GALNT7: variants seen among roughly 807,000 people sequenced by gnomAD.
The protein encoded by GALNT7 is N-acetylgalactosaminyltransferase 7.
A neutral mutation model predicts 82.1 loss-of-function variants in GALNT7; 60 were observed. The observed-to-expected ratio is 0.73, with a 90% CI of 0.59 to 0.91. The LOEUF (loss-of-function observed/expected upper bound fraction) is 0.91, where lower values mean the gene tolerates loss of function less well. Among genes scored for constraint, GALNT7 ranks in the 40% least tolerant of loss-of-function variants. The pLI is 0.00. For missense variants in GALNT7, 660 were observed against 804.2 expected (o/e 0.82, Z 2.17); for synonymous variants, 243 against 275.1 (o/e 0.88, Z 1.15).
Position 173,295,752 on chromosome 4 carries a change from CTT to C in GALNT7, c.886-5_886-4del. 1.9e-6 allele frequency: 3 copies of C among 1,566,342 alleles called. No individual in the cohort carries two copies. The highest frequency in any genetic ancestry group is 2.6e-6 in the Non-Finnish European group (3 of 1,137,168). On this transcript the variant is annotated splice_polypyrimidine_tract_variant and intron_variant, in intron 4 of 11. Transcript: ENST00000265000. ...ATGAGGAGTATTCTTTCACCTGCCT[CTT>C]TTTTTTAAGGTTTTGATATACCTTG... is the stretch of plus-strand genomic sequence containing the variant.
intron 2 of GALNT7, among the ~76,000 whole-genome samples, chr4:173,291,599 C>T (rs970208431): frequency 6.6e-6 from 1 of 152,194 alleles, no homozygotes; most frequent in African/African-American, 2.4e-5. Context: ...GTTCATTCCA[C>T]AGTAAATTTC....
chr4:173,214,136 T>A (rs565316968), intron 1 of GALNT7, among the ~76,000 whole-genome samples: 2 of 152,036 alleles, frequency 1.3e-5, no homozygotes, highest in Non-Finnish European at 2.9e-5. Context: ...CACAACCCAG[T>A]GTTGTTATTA....
intron 8 of GALNT7, among the ~76,000 whole-genome samples, chr4:173,305,095 G>T (rs987166454): frequency 6.6e-6 from 1 of 152,064 alleles, no homozygotes; most frequent in Non-Finnish European, 1.5e-5. Flanking sequence ...AGGAACCTCT[G>T]TACTGTTTTC....
At chr4:173,264,728 T>A (rs1024771278) in intron 2 of GALNT7, among the ~76,000 whole-genome samples, 4 of 152,198 alleles carry the variant, frequency 2.6e-5, no homozygotes, top group Admixed American at 2.6e-4. Flanking sequence ...TGTTTCTACA[T>A]TCTCCCCTGG....
rs186519260 is a variant in GALNT7, at chr4:173,304,960, C to T, written c.1389+842C>T. On this transcript the variant is annotated intron_variant, in intron 8 of 11. Transcript: ENST00000265000. ...TAGCTTGATTCCATATCTTGACTAT[C>T]GTGAATACTGCTGCAATGAACAGGA... Among the ~76,000 whole-genome samples the T allele has an allele frequency of 7.5e-4, 114 of 152,046 alleles. 1 individual carries two copies. Among genetic ancestry groups the T allele is most frequent in the African/African-American group, 2.5e-3 (105 of 41,390 alleles).
intron 5 of GALNT7, 136 bp downstream of exon 5, chr4:173,295,979 G>A: frequency 1.5e-6 from 1 of 651,582 alleles, no homozygotes. Flanking sequence ...TCATCTATTT[G>A]TTTCCTTGGG....
At position 173,185,267 on chromosome 4, in the gene GALNT7, A is replaced by C. The variant is rs1434306795; in HGVS notation, c.126+16306A>C. 2.0e-5 allele frequency among the ~76,000 whole-genome samples: 3 copies of C among 152,160 alleles called. No individual in the cohort carries two copies. The East Asian group carries it at 5.8e-4, about 29-fold the overall frequency. On this transcript the variant is annotated intron_variant, in intron 1 of 11. Transcript: ENST00000265000. ...GACTCAGGTTCACTGAATTCTCTTC[A>C]CCACTCCGTGAAAGTGTGTAGCAGC...
intron 1 of GALNT7, among the ~76,000 whole-genome samples, chr4:173,235,416 C>T (rs1289739121): frequency 6.6e-6 from 1 of 152,220 alleles, no homozygotes; most frequent in Non-Finnish European, 1.5e-5. Context: ...TGGCATAGGC[C>T]TTCCTTCTAC....
At position 173,298,151 on chromosome 4, in the gene GALNT7, T is replaced by C. The variant is rs750273938; in HGVS notation, c.1002T>C (p.Asn334=). The change falls in exon 6 of 12, where the codon AAT becomes AAC. Residue 334 remains asparagine (N), a synonymous_variant. Transcript: ENST00000265000. ...CTGTGCCGCTTATAGATGTCATAAA[T>C]GGCAACACATATGAAATTATACCCC... ...ICTVPLIDVI[N]GNTYEIIPQG... is the part of the protein sequence containing the mutation. 7.4e-6 allele frequency: 12 copies of C among 1,613,988 alleles called. No homozygotes were observed. The highest frequency in any genetic ancestry group is 1.3e-5 in the African/African-American group (1 of 74,916).
At chr4:173,276,712 A>G (rs1162097867) in intron 2 of GALNT7, among the ~76,000 whole-genome samples, 1 of 152,170 alleles carries the variant, frequency 6.6e-6, no homozygotes, top group Non-Finnish European at 1.5e-5. Context: ...TCAAAACTGT[A>G]AGGCATCAGC....
In GALNT7 at chr4:173,314,065, A is replaced by C; in HGVS notation, c.1497A>C (p.Lys499Asn). 6.2e-7 allele frequency: 1 copy of C among 1,613,278 alleles called. No homozygotes were observed. The highest frequency in any genetic ancestry group is 1.1e-5 in the South Asian group (1 of 91,066). Residue 499 changes from lysine (K) to asparagine (N), a missense_variant, in exon 9 of 12, where the codon AAA (lysine) becomes AAC (asparagine). Coordinates refer to ENST00000265000, the MANE Select transcript of GALNT7 (RefSeq NM_017423.3). ...CATATGGGGATATATCGGAGCTGAA[A>C]AAATTTCGAGAAGATCACAACTGCA... ...ALPYGDISELKKFREDHNCKS... is the reference protein window; with the variant it reads ...ALPYGDISELNKFREDHNCKS...
At chr4:173,281,638 A>G (rs535440858) in intron 2 of GALNT7, among the ~76,000 whole-genome samples, 2 of 152,092 alleles carry the variant, frequency 1.3e-5, no homozygotes, top group Non-Finnish European at 2.9e-5. Flanking sequence ...GCCCAAGTAC[A>G]CTTCAGCATG....
intron 1 of GALNT7, among the ~76,000 whole-genome samples, chr4:173,214,794 T>A (rs1333842340): frequency 1.0e-5 from 1 of 99,310 alleles, no homozygotes; most frequent in Non-Finnish European, 2.1e-5. Flanking sequence ...TCCAAACTTA[T>A]GACTTGGATT....
intron 6 of GALNT7, 126 bp downstream of exon 6, chr4:173,298,423 T>C (rs1415641128): frequency 9.2e-6 from 6 of 654,942 alleles, no homozygotes; most frequent in East Asian, 2.8e-5. Context: ...AGAACATCTT[T>C]CCTTACACTG....
chr4:173,303,032 T>A (rs558487973), intron 7 of GALNT7, among the ~76,000 whole-genome samples: 2,062 of 151,988 alleles, frequency 0.014, 55 homozygotes, highest in African/African-American at 0.047. Context: ...CCATCTCTAC[T>A]AAAATACAAA....
chr4:173,306,427 G>A (rs558238783), intron 8 of GALNT7, among the ~76,000 whole-genome samples: 1 of 152,276 alleles, frequency 6.6e-6, no homozygotes, highest in Admixed American at 6.5e-5. Flanking sequence ...GGGAGAGTGG[G>A]CATCCTTGTC....
intron 1 of GALNT7, among the ~76,000 whole-genome samples, chr4:173,183,876 C>T (rs1304116693): frequency 6.6e-6 from 1 of 152,014 alleles, no homozygotes; most frequent in African/African-American, 2.4e-5. Context: ...CTCATCACTT[C>T]CCAGACGGGG....
At chr4:173,314,833 A>G (rs1394083659) in intron 9 of GALNT7, among the ~76,000 whole-genome samples, 2 of 152,226 alleles carry the variant, frequency 1.3e-5, no homozygotes, top group African/African-American at 4.8e-5. Context: ...CCTCACAGGT[A>G]CACTAAACCT....
In GALNT7 at chr4:173,259,857, C is replaced by T. The variant is rs1272957787; in HGVS notation, c.587+11417C>T. Among the ~76,000 whole-genome samples, 8 of 152,198 alleles carry T rather than the reference C, an allele frequency of 5.3e-5. No individual in the cohort carries two copies. The East Asian group carries it at 9.7e-4, about 18-fold the overall frequency. On this transcript the variant is annotated intron_variant, in intron 2 of 11. Coordinates refer to ENST00000265000, the MANE Select transcript of GALNT7 (RefSeq NM_017423.3). ...TTTGCCTTGTTGGCCAGGCTGGTCT[C>T]GAACTCTTGACCTCAGGTGATCCAC...
Sources: gnomAD v4.1 joint callset for allele counts (sites outside exome capture counted in the v4.1 genomes callset) on GRCh38, gnomAD v4.1.1 for gene constraint, MANE v1.5 for transcripts, NCBI Gene and HGNC (gene_info 2026-07-23, HGNC 2026-07-21) for gene names.